OR4C15: variants seen among roughly 807,000 people sequenced by gnomAD.
The protein encoded by OR4C15 is olfactory receptor family 4 subfamily C member 15, also known as olfactory receptor 4C15.
For synonymous variants in OR4C15, 216 were observed against 134.0 expected, an observed-to-expected ratio of 1.61 and a Z score of -4.22; for missense variants, 697 against 377.5, an observed-to-expected ratio of 1.85 and a Z score of -7.01.
rs1554963398 is a variant in OR4C15 at position 55,554,552 on chromosome 11, AT to A, written c.89del (p.Leu30CysfsTer13). The A allele has an allele frequency of 6.2e-7, 1 of 1,613,938 alleles. No homozygotes were observed. Among genetic ancestry groups the A allele is most frequent in the Non-Finnish European group, 8.5e-7 (1 of 1,179,920 alleles). On this transcript the variant is annotated frameshift_variant, in exon 1 of 1. Coordinates refer to ENST00000642128, the MANE Select transcript of OR4C15 (RefSeq NM_001001920.3). LOFTEE classifies it low-confidence loss of function (END_TRUNC). ...PNVQEIVFVV[F>X]LFVYIATVGG... ...ATGTTCAGGAAATAGTATTTGTTGT[AT>A]TTTTGTTTGTCTACATTGCAACTGT...
exon 1 of OR4C15, chr11:55,555,417 TA>T: frequency 6.4e-7 from 1 of 1,567,342 alleles, no homozygotes; most frequent in Non-Finnish European, 8.6e-7. Context: ...TATTAAACTT[TA>T]AAAAATCCAA....
At position 55,554,939 on chromosome 11, in the gene OR4C15, A is replaced by G. The variant is rs957506186; in HGVS notation, c.471A>G (p.Ile157Met). 9.3e-6 allele frequency: 15 copies of G among 1,613,900 alleles called. No homozygotes were observed. Among genetic ancestry groups the G allele is most frequent in the Non-Finnish European group, 1.2e-5 (14 of 1,179,980 alleles). The change falls in exon 1 of 1, where the codon ATA (isoleucine) becomes ATG (methionine). Residue 157 changes from isoleucine (I) to methionine (M), a missense_variant. Transcript: ENST00000642128. ...AWTGGLLHSM[I>M]QILFTFQLPF... ...CAGGGGGCCTCTTGCATTCCATGAT[A>G]CAAATTCTTTTTACTTTCCAGCTTC...
In OR4C15 at chr11:55,554,863, C is replaced by G; in HGVS notation, c.395C>G (p.Ser132Cys). 1 of 1,613,928 alleles carries G rather than the reference C, an allele frequency of 6.2e-7. No individual in the cohort carries two copies. ...GCCATTTGCAAGCCCTTGCATTACT[C>G]TTCTATCATGAACAGGAGGCTCTGT... ...YVAICKPLHYSSIMNRRLCGI... is the reference protein window; with the variant it reads ...YVAICKPLHYCSIMNRRLCGI... The change falls in exon 1 of 1, where the codon TCT becomes TGT. Residue 132 changes from serine (S) to cysteine (C), a missense_variant. Coordinates refer to ENST00000642128, the MANE Select transcript of OR4C15 (RefSeq NM_001001920.3).
chr11:55,554,889 G>T lies in OR4C15; in HGVS notation c.421G>T (p.Gly141Cys), dbSNP rs201504039. The part of the protein sequence containing the change: ...YSSIMNRRLC[G>C]ILMGVAWTGG... ...TTCTATCATGAACAGGAGGCTCTGT[G>T]GCATTCTGATGGGGGTAGCCTGGAC... The change falls in exon 1 of 1, where the codon GGC (glycine) becomes TGC (cysteine). Residue 141 changes from glycine to cysteine, a missense_variant. Transcript: ENST00000642128. The T allele has an allele frequency of 2.5e-6, 4 of 1,613,976 alleles. No individual in the cohort carries two copies. Among genetic ancestry groups the T allele is most frequent in the Middle Eastern group, 3.3e-4 (2 of 6,056 alleles).
Position 55,554,805 on chromosome 11 carries a change from G to T in OR4C15, c.337G>T (p.Val113Phe). 2 of 1,613,966 alleles carry T rather than the reference G, an allele frequency of 1.2e-6. No individual in the cohort carries two copies. The highest frequency in any genetic ancestry group is 1.7e-6 in the Non-Finnish European group (2 of 1,179,954). ...EHFFAGVEVIVLTAMAYDRYV... is the reference protein window; with the variant it reads ...EHFFAGVEVIFLTAMAYDRYV... ...CTTCTTTGCTGGGGTGGAGGTGATT[G>T]TCCTCACAGCCATGGCCTATGATCG... is the stretch of plus-strand genomic sequence containing the variant. Residue 113 changes from valine to phenylalanine, a missense_variant, in exon 1 of 1, where the codon GTC (valine) becomes TTC (phenylalanine). Val to Phe is a conservative substitution (Grantham distance 50). Transcript: ENST00000642128.
At position 55,554,975 on chromosome 11, in the gene OR4C15, C is replaced by A. The variant is rs202121832; in HGVS notation, c.507C>A (p.Gly169=). 6 of 1,613,908 alleles carry A rather than the reference C, an allele frequency of 3.7e-6. No individual in the cohort carries two copies. The African/African-American group carries it at 6.7e-5, about 18-fold the overall frequency. The change falls in exon 1 of 1, where the codon GGC becomes GGA. Residue 169 remains glycine (G), a synonymous_variant. Transcript: ENST00000642128. ...ILFTFQLPFC[G]PNVINHFMCD... The stretch of plus-strand genomic sequence containing the variant: ...TTACTTTCCAGCTTCCCTTTTGTGG[C>A]CCCAATGTCATCAATCACTTTATGT...
Position 55,555,028 on chromosome 11 carries a change from C to A in OR4C15, c.560C>A (p.Ala187Asp), listed in dbSNP as rs772445929. The A allele has an allele frequency of 2.0e-5, 32 of 1,613,676 alleles. No homozygotes were observed. In the Admixed American group the frequency reaches 5.2e-4, roughly 26 times the overall value. Residue 187 changes from alanine to aspartate, a missense_variant, in exon 1 of 1, where the codon GCC becomes GAC. Coordinates refer to ENST00000642128, the MANE Select transcript of OR4C15 (RefSeq NM_001001920.3). ...MCDLYPLLEL[A>D]CTDTHIFGLM... ...GACTTGTACCCGTTACTGGAGCTTGCCTGCACTGATACTCACATCTTTGGC... is the reference window on the plus strand; with the variant it reads ...GACTTGTACCCGTTACTGGAGCTTGACTGCACTGATACTCACATCTTTGGC...
Position 55,554,688 on chromosome 11 carries a change from T to C in OR4C15, c.220T>C (p.Ser74Pro). The change falls in exon 1 of 1, where the codon TCT (serine) becomes CCT (proline). Residue 74 changes from serine (S) to proline (P), a missense_variant. Ser to Pro is a moderately conservative substitution (Grantham distance 74). Coordinates refer to ENST00000642128, the MANE Select transcript of OR4C15 (RefSeq NM_001001920.3). ...GTCCTTCCTGGATGCGTGCTTCTCA[T>C]CTGTCATCACCCCAAAGATGATTGT... ...FLSFLDACFS[S>P]VITPKMIVDS... The C allele has an allele frequency of 1.9e-6, 3 of 1,613,524 alleles. No individual in the cohort carries two copies. In the South Asian group the frequency reaches 3.3e-5, roughly 18 times the overall value.
rs774055903 is a variant in OR4C15 at position 55,555,316 on chromosome 11, C to A, written c.848C>A (p.Pro283His). 6.2e-7 allele frequency: 1 copy of A among 1,613,806 alleles called. No homozygotes were observed. The highest frequency in any genetic ancestry group is 1.7e-5 in the Admixed American group (1 of 59,952). The change falls in exon 1 of 1, where the codon CCT becomes CAT. Residue 283 changes from proline (P) to histidine (H), a missense_variant. By Grantham distance (77) the Pro-to-His change is moderately conservative (BLOSUM62 -2). Coordinates refer to ENST00000642128, the MANE Select transcript of OR4C15 (RefSeq NM_001001920.3). ...ATCATCTTAAATCCCTTGCTCAATC[C>A]TTTGATTTACACTTTCAGGAATAAG... ...FYIILNPLLN[P>H]LIYTFRNKEV...
chr11:55,554,976 C>T lies in OR4C15; in HGVS notation c.508C>T (p.Pro170Ser). The T allele has an allele frequency of 1.9e-6, 3 of 1,613,860 alleles. No homozygotes were observed. The highest frequency in any genetic ancestry group is 1.7e-5 in the Admixed American group (1 of 59,930). Reference protein sequence around the residue: ...LFTFQLPFCGPNVINHFMCDL... With the variant: ...LFTFQLPFCGSNVINHFMCDL... ...TACTTTCCAGCTTCCCTTTTGTGGC[C>T]CCAATGTCATCAATCACTTTATGTG... Residue 170 changes from proline to serine, a missense_variant, in exon 1 of 1, where the codon CCC becomes TCC. Pro to Ser is a moderately conservative substitution (Grantham distance 74). Coordinates refer to ENST00000642128, the MANE Select transcript of OR4C15 (RefSeq NM_001001920.3).
In OR4C15 at chr11:55,554,791, G is replaced by A. The variant is rs767335394; in HGVS notation, c.323G>A (p.Gly108Glu). Reference protein sequence around the residue: ...MQLFAEHFFAGVEVIVLTAMA... With the variant: ...MQLFAEHFFAEVEVIVLTAMA... Reference sequence around the variant, plus strand: ...CTCTTTGCTGAACACTTCTTTGCTGGGGTGGAGGTGATTGTCCTCACAGCC... The same window carrying A: ...CTCTTTGCTGAACACTTCTTTGCTGAGGTGGAGGTGATTGTCCTCACAGCC... The change falls in exon 1 of 1, where the codon GGG becomes GAG. Residue 108 changes from glycine to glutamate, a missense_variant. Gly to Glu is a moderately conservative substitution (Grantham distance 98). Coordinates refer to ENST00000642128, the MANE Select transcript of OR4C15 (RefSeq NM_001001920.3). 8.1e-6 allele frequency: 13 copies of A among 1,613,932 alleles called. No homozygotes were observed. Among genetic ancestry groups the A allele is most frequent in the Non-Finnish European group, 8.5e-6 (10 of 1,179,940 alleles).
Position 55,554,567 on chromosome 11 carries a change from C to T in OR4C15, c.99C>T (p.Tyr33=), listed in dbSNP as rs748814669. 3 of 1,613,986 alleles carry T rather than the reference C, an allele frequency of 1.9e-6. No individual in the cohort carries two copies. The highest frequency in any genetic ancestry group is 8.5e-7 in the Non-Finnish European group (1 of 1,179,952). Reference sequence around the variant, plus strand: ...TATTTGTTGTATTTTTGTTTGTCTACATTGCAACTGTTGGGGGCAACATGC... The same window carrying T: ...TATTTGTTGTATTTTTGTTTGTCTATATTGCAACTGTTGGGGGCAACATGC... The part of the protein sequence containing the change: ...EIVFVVFLFV[Y]IATVGGNMLI... Residue 33 remains tyrosine, a synonymous_variant, in exon 1 of 1, where the codon TAC becomes TAT. Coordinates refer to ENST00000642128, the MANE Select transcript of OR4C15 (RefSeq NM_001001920.3).
rs368978918 is a variant in OR4C15 at position 55,555,150 on chromosome 11, A to T, written c.682A>T (p.Ser228Cys). 60 of 1,605,376 alleles carry T rather than the reference A, an allele frequency of 3.7e-5. 2 individuals are homozygous for T. The South Asian group carries it at 6.2e-4, about 16-fold the overall frequency. Residue 228 changes from serine (S) to cysteine (C), a missense_variant, in exon 1 of 1, where the codon AGT becomes TGT. Transcript: ENST00000642128. ...CATCTTGCTCTCTCTGAGAACACAC[A>T]GTTCTGAAGGGCGCTGGAAAGCTCT... ...AVILLSLRTH[S>C]SEGRWKALST...
rs752815449 is a variant in OR4C15 at position 55,554,892 on chromosome 11, A to C, written c.424A>C (p.Ile142Leu). Residue 142 changes from isoleucine (I) to leucine (L), a missense_variant, in exon 1 of 1, where the codon ATT becomes CTT. Ile to Leu is a conservative substitution (Grantham distance 5). Coordinates refer to ENST00000642128, the MANE Select transcript of OR4C15 (RefSeq NM_001001920.3). ...TATCATGAACAGGAGGCTCTGTGGC[A>C]TTCTGATGGGGGTAGCCTGGACAGG... ...SSIMNRRLCG[I>L]LMGVAWTGGL... The C allele has an allele frequency of 6.2e-7, 1 of 1,613,970 alleles. No homozygotes were observed. Among genetic ancestry groups the C allele is most frequent in the Non-Finnish European group, 8.5e-7 (1 of 1,179,950 alleles).
At position 55,555,034 on chromosome 11, in the gene OR4C15, C is replaced by T. The variant is rs769109377; in HGVS notation, c.566C>T (p.Thr189Ile). ...DLYPLLELAC[T>I]DTHIFGLMVV... ...TACCCGTTACTGGAGCTTGCCTGCA[C>T]TGATACTCACATCTTTGGCCTCATG... The change falls in exon 1 of 1, where the codon ACT (threonine) becomes ATT (isoleucine). Residue 189 changes from threonine to isoleucine, a missense_variant. Coordinates refer to ENST00000642128, the MANE Select transcript of OR4C15 (RefSeq NM_001001920.3). 4 of 1,613,860 alleles carry T rather than the reference C, an allele frequency of 2.5e-6. No individual in the cohort carries two copies. In the South Asian group the frequency reaches 4.4e-5, roughly 18 times the overall value.
At position 55,554,568 on chromosome 11, in the gene OR4C15, A is replaced by C. The variant is rs1857114193; in HGVS notation, c.100A>C (p.Ile34Leu). Residue 34 changes from isoleucine (I) to leucine (L), a missense_variant, in exon 1 of 1, where the codon ATT becomes CTT. Transcript: ENST00000642128. ...IVFVVFLFVY[I>L]ATVGGNMLIV... ...ATTTGTTGTATTTTTGTTTGTCTACATTGCAACTGTTGGGGGCAACATGCT... is the reference window on the plus strand; with the variant it reads ...ATTTGTTGTATTTTTGTTTGTCTACCTTGCAACTGTTGGGGGCAACATGCT... The C allele has an allele frequency of 1.2e-6, 2 of 1,614,002 alleles. No homozygotes were observed. Among genetic ancestry groups the C allele is most frequent in the Non-Finnish European group, 1.7e-6 (2 of 1,179,948 alleles).
rs1440939195 is a variant in OR4C15 at position 55,555,260 on chromosome 11, T to G, written c.792T>G (p.Phe264Leu). Reference sequence around the variant, plus strand: ...TATATACACGACCTCCATCTGCTTTTTCCCTTGACAAAATGGCGGCAATAT... The same window carrying G: ...TATATACACGACCTCCATCTGCTTTGTCCCTTGACAAAATGGCGGCAATAT... ...IFVYTRPPSA[F>L]SLDKMAAIFY... Residue 264 changes from phenylalanine to leucine, a missense_variant, in exon 1 of 1, where the codon TTT (phenylalanine) becomes TTG (leucine). Phe to Leu is a conservative substitution (Grantham distance 22, BLOSUM62 0). Transcript: ENST00000642128. 2.5e-6 allele frequency: 4 copies of G among 1,614,018 alleles called. No individual in the cohort carries two copies. Among genetic ancestry groups the G allele is most frequent in the Non-Finnish European group, 2.5e-6 (3 of 1,179,952 alleles).
Position 55,554,625 on chromosome 11 carries a change from C to A in OR4C15, c.157C>A (p.Leu53Ile). The A allele has an allele frequency of 6.2e-7, 1 of 1,613,856 alleles. No homozygotes were observed. Among genetic ancestry groups the A allele is most frequent in the Non-Finnish European group, 8.5e-7 (1 of 1,179,964 alleles). The change falls in exon 1 of 1, where the codon CTT becomes ATT. Residue 53 changes from leucine (L) to isoleucine (I), a missense_variant. By Grantham distance (5) the Leu-to-Ile change is conservative. Transcript: ENST00000642128. ...AGTAACCATTCTCAGCAGCCCTGCT[C>A]TTCTGGTGTCTCCTATGTACTTCTT... ...IVVTILSSPALLVSPMYFFLG... is the reference protein window; with the variant it reads ...IVVTILSSPAILVSPMYFFLG...
At position 55,555,009 on chromosome 11, in the gene OR4C15, T is replaced by C. The variant is rs1343338694; in HGVS notation, c.541T>C (p.Tyr181His). 2 of 1,613,726 alleles carry C rather than the reference T, an allele frequency of 1.2e-6. No homozygotes were observed. The highest frequency in any genetic ancestry group is 1.7e-6 in the Non-Finnish European group (2 of 1,179,906). Residue 181 changes from tyrosine (Y) to histidine (H), a missense_variant, in exon 1 of 1, where the codon TAC (tyrosine) becomes CAC (histidine). Physicochemically the swap from Tyr to His is moderately conservative, Grantham distance 83. Transcript: ENST00000642128. ...NVINHFMCDL[Y>H]PLLELACTDT... ...CATCAATCACTTTATGTGTGACTTGTACCCGTTACTGGAGCTTGCCTGCAC... is the reference window on the plus strand; with the variant it reads ...CATCAATCACTTTATGTGTGACTTGCACCCGTTACTGGAGCTTGCCTGCAC...
Sources: allele counts gnomAD v4.1 joint callset, GRCh38; gene constraint gnomAD v4.1.1; transcripts MANE v1.5; gene names NCBI Gene and HGNC (gene_info 2026-07-23, HGNC 2026-07-21).